TDRD6: variants seen among roughly 807,000 people sequenced by gnomAD.
The protein encoded by TDRD6 is tudor domain containing 6.
Under a neutral mutation model 157.5 loss-of-function variants are expected in TDRD6, and 186 were observed. That is an observed-to-expected ratio of 1.18 (90% CI 1.05 to 1.33). The LOEUF (loss-of-function observed/expected upper bound fraction) is 1.33, where lower values mean the gene tolerates loss of function less well. Among genes scored for constraint, TDRD6 ranks in the 40% most tolerant of loss-of-function variants. The probability of loss-of-function intolerance (pLI) is 0.00; values close to 1 mark genes in which losing one functional copy is unlikely to be tolerated. For missense variants in TDRD6, 3,066 were observed against 2,508.0 expected (o/e 1.22, Z -4.75); for synonymous variants, 1,075 against 945.2 (o/e 1.14, Z -2.52).
intron 1 of TDRD6, among the ~76,000 whole-genome samples, chr6:46,694,531 G>A (rs1764445040): frequency 6.6e-6 from 1 of 152,108 alleles, no homozygotes; most frequent in African/African-American, 2.4e-5. Flanking sequence ...AAAGAAAAGA[G>A]AATAATTCTT....
rs1320027657 is a variant in TDRD6, at chr6:46,690,201, T to C, written c.2073T>C (p.Phe691=). The C allele has an allele frequency of 6.2e-7, 1 of 1,613,920 alleles. No homozygotes were observed. The highest frequency in any genetic ancestry group is 1.1e-5 in the South Asian group (1 of 91,088). ...AHSPGHVSNH[F]TTESNKIPFA... is the part of the protein sequence containing the mutation. The stretch of plus-strand genomic sequence containing the variant: ...CCCCAGGGCATGTTTCAAACCACTT[T>C]ACTACGGAGAGTAACAAAATACCTT... The change falls in exon 1 of 4, where the codon TTT becomes TTC. Residue 691 remains phenylalanine (F), a synonymous_variant. Transcript: ENST00000316081.
Position 46,690,706 on chromosome 6 carries a change from G to T in TDRD6, c.2578G>T (p.Val860Leu). Residue 860 changes from valine (V) to leucine (L), a missense_variant, in exon 1 of 4, where the codon GTA becomes TTA. By Grantham distance (32) the Val-to-Leu change is conservative. Coordinates refer to ENST00000316081, the MANE Select transcript of TDRD6 (RefSeq NM_001010870.3). ...TFVDYGDREMVSVKNIYSISE... is the reference protein window; with the variant it reads ...TFVDYGDREMLSVKNIYSISE... The stretch of plus-strand genomic sequence containing the variant: ...TGTAGATTATGGAGACAGAGAAATG[G>T]TATCTGTGAAGAATATTTATTCAAT... 1.2e-6 allele frequency: 2 copies of T among 1,614,092 alleles called. No individual in the cohort carries two copies. The highest frequency in any genetic ancestry group is 1.7e-6 in the Non-Finnish European group (2 of 1,179,954).
chr6:46,701,546 T>C (rs533864599), intron 3 of TDRD6, among the ~76,000 whole-genome samples: 1 of 152,130 alleles, frequency 6.6e-6, no homozygotes, highest in African/African-American at 2.4e-5. Flanking sequence ...GAAAAATATA[T>C]ACTAATCAAA....
At position 46,690,273 on chromosome 6, in the gene TDRD6, A is replaced by C; in HGVS notation, c.2145A>C (p.Lys715Asn). The change falls in exon 1 of 4, where the codon AAA (lysine) becomes AAC (asparagine). Residue 715 changes from lysine to asparagine, a missense_variant. By Grantham distance (94) the Lys-to-Asn change is moderately conservative. Coordinates refer to ENST00000316081, the MANE Select transcript of TDRD6 (RefSeq NM_001010870.3). ...AGCAGAAAGCCAAGAGAGAGAATAA[A>C]ACCACATCTGTTTCAAAAGCTTTGA... ...EGEQKAKREN[K>N]TTSVSKALSD... 1 of 1,613,756 alleles carries C rather than the reference A, an allele frequency of 6.2e-7. No individual in the cohort carries two copies. Among genetic ancestry groups the C allele is most frequent in the Non-Finnish European group, 8.5e-7 (1 of 1,180,028 alleles).
rs1764320650 is a variant in TDRD6, at chr6:46,691,569, A to G, written c.3441A>G (p.Gln1147=). 1 of 1,613,512 alleles carries G rather than the reference A, an allele frequency of 6.2e-7. No homozygotes were observed. Among genetic ancestry groups the G allele is most frequent in the South Asian group, 1.1e-5 (1 of 91,038 alleles). The change falls in exon 1 of 4, where the codon CAA becomes CAG. Residue 1147 remains glutamine, a synonymous_variant. Transcript: ENST00000316081. Reference sequence around the variant, plus strand: ...TAGAACTATATGGTGACAATATTCAAATTAGTGCTAGTATTAATAAGAAGT... The same window carrying G: ...TAGAACTATATGGTGACAATATTCAGATTAGTGCTAGTATTAATAAGAAGT... ...LIIELYGDNI[Q]ISASINKKLG...
In TDRD6 at chr6:46,691,058, A is replaced by G. The variant is rs374764273; in HGVS notation, c.2930A>G (p.Tyr977Cys). 2.5e-5 allele frequency: 40 copies of G among 1,613,750 alleles called. No individual in the cohort carries two copies. Among genetic ancestry groups the G allele is most frequent in the East Asian group, 4.5e-5 (2 of 44,880 alleles). ...TCTGTTCAGCTACATTCCTACTTCT[A>G]TTCTACACATGATATGAAAATTGGA... Reference protein sequence around the residue: ...ESSVQLHSYFYSTHDMKIGSE... With the variant: ...ESSVQLHSYFCSTHDMKIGSE... Residue 977 changes from tyrosine (Y) to cysteine (C), a missense_variant, in exon 1 of 4, where the codon TAT (tyrosine) becomes TGT (cysteine). Physicochemically the swap from Tyr to Cys is radical, Grantham distance 194. Transcript: ENST00000316081.
Position 46,693,457 on chromosome 6 carries a change from T to G in TDRD6, c.5329T>G (p.Cys1777Gly), listed in dbSNP as rs750967169. The G allele has an allele frequency of 3.9e-5, 63 of 1,613,986 alleles. No individual in the cohort carries two copies. The highest frequency in any genetic ancestry group is 5.3e-5 in the Non-Finnish European group (62 of 1,180,026). ...CCGTGACCCTAAAACTGATAACATT[T>G]GTGAAGGGTTTGAAAACCCCTGCAA... ...NFRDPKTDNI[C>G]EGFENPCKDK... is the part of the protein sequence containing the mutation. Residue 1777 changes from cysteine to glycine, a missense_variant, in exon 1 of 4, where the codon TGT (cysteine) becomes GGT (glycine). Transcript: ENST00000316081.
In TDRD6 at chr6:46,693,297, C is replaced by G. The variant is rs2150680929; in HGVS notation, c.5169C>G (p.Tyr1723Ter). The G allele has an allele frequency of 1.2e-6, 2 of 1,611,454 alleles. No homozygotes were observed. The highest frequency in any genetic ancestry group is 4.5e-5 in the East Asian group (2 of 44,826). Residue 1723 changes from tyrosine (Y) to a stop codon, truncating the protein, a stop_gained, in exon 1 of 4, where the codon TAC becomes TAG. Transcript: ENST00000316081. LOFTEE classifies it high-confidence loss of function. ...DSEIKQTLGS[Y>*]NLDVGLKKLS... The stretch of plus-strand genomic sequence containing the variant: ...AGATAAAGCAGACTCTTGGGTCCTA[C>G]AATCTTGATGTAGGACTTAAGAAAT...
At position 46,689,304 on chromosome 6, in the gene TDRD6, G is replaced by T. The variant is rs149567778; in HGVS notation, c.1176G>T (p.Gln392His). The T allele has an allele frequency of 6.2e-7, 1 of 1,614,178 alleles. No homozygotes were observed. Among genetic ancestry groups the T allele is most frequent in the East Asian group, 2.2e-5 (1 of 44,876 alleles). Residue 392 changes from glutamine to histidine, a missense_variant, in exon 1 of 4, where the codon CAG (glutamine) becomes CAT (histidine). Physicochemically the swap from Gln to His is conservative, Grantham distance 24. Coordinates refer to ENST00000316081, the MANE Select transcript of TDRD6 (RefSeq NM_001010870.3). Reference protein sequence around the residue: ...WDGGRGWSRSQVGDLKTLILG... With the variant: ...WDGGRGWSRSHVGDLKTLILG... ...GTGGGAGAGGCTGGTCTCGGTCACA[G>T]GTCGGTGACCTGAAGACACTGATAC...
chr6:46,680,291 C>G, the TDRD6 span, among the ~76,000 whole-genome samples: 1 of 150,848 alleles, frequency 6.6e-6, no homozygotes, highest in Non-Finnish European at 1.5e-5. Flanking sequence ...CACCACTGCA[C>G]TCCAGCCTGG....
At position 46,691,943 on chromosome 6, in the gene TDRD6, T is replaced by C. The variant is rs1218163520; in HGVS notation, c.3815T>C (p.Val1272Ala). 1 of 1,610,508 alleles carries C rather than the reference T, an allele frequency of 6.2e-7. No individual in the cohort carries two copies. The highest frequency in any genetic ancestry group is 1.3e-5 in the African/African-American group (1 of 74,468). The change falls in exon 1 of 4, where the codon GTA (valine) becomes GCA (alanine). Residue 1272 changes from valine (V) to alanine (A), a missense_variant. Transcript: ENST00000316081. ...GAGACACCCTTGAAAACAGCAAGAG[T>C]AGAAGCTACTCTTTCAGAGAGAAAA... ...SAETPLKTAR[V>A]EATLSERKIG...
chr6:46,698,221 A>G (rs1170365688), intron 3 of TDRD6, 134 bp downstream of exon 3: 1 of 551,692 alleles, frequency 1.8e-6, no homozygotes, highest in Non-Finnish European at 3.2e-6. Context: ...TAAAAACAGC[A>G]ATAACAAAAT....
chr6:46,697,667 G>T (rs777711771), intron 2 of TDRD6, among the ~76,000 whole-genome samples: 2 of 151,400 alleles, frequency 1.3e-5, no homozygotes, highest in Admixed American at 6.6e-5. Flanking sequence ...CAGGTGGATC[G>T]CTTGAGCCAA....
Position 46,693,605 on chromosome 6 carries a change from C to T in TDRD6, c.5477C>T (p.Thr1826Ile). ...FNTLLPHANE[T>I]KEILELNSLE... The stretch of plus-strand genomic sequence containing the variant: ...ACATTACTACCACATGCTAATGAAA[C>T]AAAGGAGATACTAGAACTGAATTCA... The change falls in exon 1 of 4, where the codon ACA becomes ATA. Residue 1826 changes from threonine (T) to isoleucine (I), a missense_variant. Physicochemically the swap from Thr to Ile is moderately conservative, Grantham distance 89. Coordinates refer to ENST00000316081, the MANE Select transcript of TDRD6 (RefSeq NM_001010870.3). 1 of 1,614,116 alleles carries T rather than the reference C, an allele frequency of 6.2e-7. No homozygotes were observed. The highest frequency in any genetic ancestry group is 1.1e-5 in the South Asian group (1 of 91,086).
At chr6:46,700,616 T>C (rs908334101) in intron 3 of TDRD6, among the ~76,000 whole-genome samples, 2 of 152,172 alleles carry the variant, frequency 1.3e-5, no homozygotes, top group Non-Finnish European at 2.9e-5. Flanking sequence ...AGGAGAAATA[T>C]TTCCCTTTTC....
In TDRD6 at chr6:46,691,696, C is replaced by T; in HGVS notation, c.3568C>T (p.Pro1190Ser). The T allele has an allele frequency of 1.9e-6, 3 of 1,610,716 alleles. No homozygotes were observed. The highest frequency in any genetic ancestry group is 1.7e-4 in the Middle Eastern group (1 of 6,034). Residue 1190 changes from proline to serine, a missense_variant, in exon 1 of 4, where the codon CCA becomes TCA. By Grantham distance (74) the Pro-to-Ser change is moderately conservative (BLOSUM62 -1). Transcript: ENST00000316081. ...LEEKNENMKL[P>S]CTEYLSKSVG... ...AGAAAAAAATGAGAATATGAAGTTG[C>T]CATGTACAGAGTATTTAAGTAAATC...
chr6:46,696,577 GTGTGTATA>G (rs1279957022), intron 2 of TDRD6, among the ~76,000 whole-genome samples: 1 of 47,252 alleles, frequency 2.1e-5, no homozygotes, highest in African/African-American at 8.8e-5. Context: ...GTGTGTGTGT[GTGTGTATA>G]TATATATATA....
In TDRD6 at chr6:46,688,861, C is replaced by T. The variant is rs777774197; in HGVS notation, c.733C>T (p.Gln245Ter). ...KQPGLDYFYP[Q>*]LQLGVTEAVV... Reference sequence around the variant, plus strand: ...GCCTGGTCTGGATTACTTCTATCCCCAGCTGCAGCTGGGCGTGACGGAGGC... The same window carrying T: ...GCCTGGTCTGGATTACTTCTATCCCTAGCTGCAGCTGGGCGTGACGGAGGC... Residue 245 changes from glutamine (Q) to a stop codon, truncating the protein, a stop_gained, in exon 1 of 4, where the codon CAG (glutamine) becomes TAG (stop). Transcript: ENST00000316081. LOFTEE classifies it high-confidence loss of function. 6 of 1,610,266 alleles carry T rather than the reference C, an allele frequency of 3.7e-6. No homozygotes were observed. The highest frequency in any genetic ancestry group is 5.1e-6 in the Non-Finnish European group (6 of 1,177,868).
Position 46,691,900 on chromosome 6 carries a change from AAAG to A in TDRD6, c.3778_3780del (p.Glu1260del), listed in dbSNP as rs1554180264. The A allele has an allele frequency of 1.9e-6, 3 of 1,594,716 alleles. No homozygotes were observed. Among genetic ancestry groups the A allele is most frequent in the African/African-American group, 1.4e-5 (1 of 73,290 alleles). On this transcript the variant is annotated inframe_deletion, in exon 1 of 4. Transcript: ENST00000316081. ...AGTGTTTCCATTAACAACAGAAAAG[AAAG>A]AAGAAATTTCTGCTGAGACACCCTT...
Sources: gnomAD v4.1 joint callset for allele counts (sites outside exome capture counted in the v4.1 genomes callset) on GRCh38, gnomAD v4.1.1 for gene constraint, MANE v1.5 for transcripts, NCBI Gene and HGNC (gene_info 2026-07-23, HGNC 2026-07-21) for gene names.